The following CDK19 variants were observed in gnomAD, a reference collection of about 807,000 sequenced individuals.
CDK19 encodes the protein cyclin dependent kinase 19.
Under a neutral mutation model 68.3 loss-of-function variants are expected in CDK19, and 20 were observed. The observed-to-expected ratio is 0.29, with a 90% CI of 0.21 to 0.43. The LOEUF is 0.43. Ranked by LOEUF, CDK19 falls within the 20% of genes least tolerant of loss-of-function variation. The probability of loss-of-function intolerance (pLI) is 1.00; values close to 1 mark genes in which losing one functional copy is unlikely to be tolerated. For synonymous variants in CDK19, 221 were observed against 222.8 expected, an observed-to-expected ratio of 0.99 and a Z score of 0.07; for missense variants, 339 against 623.5, an observed-to-expected ratio of 0.54 and a Z score of 4.86.
At chr6:110,731,061 A>AAAAG (rs948439909) in intron 2 of CDK19, among the ~76,000 whole-genome samples, 14 of 151,950 alleles carry the variant, frequency 9.2e-5, no homozygotes, top group Non-Finnish European at 1.8e-4. Flanking sequence ...TCAAACAAAA[A>AAAAG]AAAGAAAGAA....
chr6:110,707,973 AAAAT>A (rs1438459317), intron 2 of CDK19, among the ~76,000 whole-genome samples: 1 of 152,202 alleles, frequency 6.6e-6, no homozygotes, highest in Non-Finnish European at 1.5e-5. Context: ...CTATGACTCA[AAAAT>A]AAATAAATAG....
At chr6:110,749,442 T>G (rs2114894908) in intron 1 of CDK19, among the ~76,000 whole-genome samples, 1 of 152,066 alleles carries the variant, frequency 6.6e-6, no homozygotes, top group South Asian at 2.1e-4. Context: ...CTCACTGCAG[T>G]GTCAACTTCA....
chr6:110,777,181 A>C (rs1780463306), intron 1 of CDK19, among the ~76,000 whole-genome samples: 1 of 152,230 alleles, frequency 6.6e-6, no homozygotes, highest in South Asian at 2.1e-4. Flanking sequence ...AGAAAATTCC[A>C]ATTAAAATGA....
intron 1 of CDK19, among the ~76,000 whole-genome samples, chr6:110,797,594 A>T (rs1017817668): frequency 1.3e-5 from 2 of 152,232 alleles, no homozygotes; most frequent in Admixed American, 6.5e-5. Flanking sequence ...CAATGAAAAC[A>T]AACAAAGACA....
chr6:110,645,935 C>T, intron 4 of CDK19: 1 of 1,100,818 alleles, frequency 9.1e-7, no homozygotes, highest in South Asian at 1.3e-5. Context: ...TGCAGGAGAG[C>T]CTGCGAGCCA....
chr6:110,689,001 A>G (rs1001630595), intron 2 of CDK19, among the ~76,000 whole-genome samples: 3 of 152,142 alleles, frequency 2.0e-5, no homozygotes, highest in African/African-American at 7.2e-5. Flanking sequence ...GGTAAGGCTT[A>G]TACCCTGGGG....
chr6:110,801,519 G>T (rs1011405686), intron 1 of CDK19, among the ~76,000 whole-genome samples: 2 of 148,214 alleles, frequency 1.3e-5, no homozygotes, highest in East Asian at 2.0e-4. Flanking sequence ...TTTTTTGTGT[G>T]TTTTTTTTTT....
At chr6:110,651,875 GCTT>G (rs749140087) in intron 4 of CDK19, among the ~76,000 whole-genome samples, 2 of 152,052 alleles carry the variant, frequency 1.3e-5, no homozygotes, top group Non-Finnish European at 2.9e-5. Flanking sequence ...GCATTTCTTA[GCTT>G]CTTCAGTCTA....
At chr6:110,770,867 C>T (rs556208899) in intron 1 of CDK19, among the ~76,000 whole-genome samples, 75 of 152,270 alleles carry the variant, frequency 4.9e-4, no homozygotes, top group African/African-American at 1.8e-3. Context: ...GTTACAGGCC[C>T]ATGCAAATCC....
chr6:110,706,766 G>T, intron 2 of CDK19: 1 of 176,416 alleles, frequency 5.7e-6, no homozygotes, highest in East Asian at 1.4e-4. Context: ...TAACATTGTG[G>T]GACACTCCTG....
At chr6:110,738,710 A>C (rs1777434278) in intron 2 of CDK19, among the ~76,000 whole-genome samples, 1 of 152,204 alleles carries the variant, frequency 6.6e-6, no homozygotes, top group African/African-American at 2.4e-5. Context: ...TTTTTCTCAG[A>C]GGAATCCTCA....
chr6:110,622,955 T>C (rs769129128), intron 9 of CDK19, 43 bp from the exon 10 acceptor site: 3 of 1,196,582 alleles, frequency 2.5e-6, no homozygotes, highest in South Asian at 1.2e-5. Context: ...GAAAAGGTTA[T>C]TTACAAGTCA....
Position 110,815,257 on chromosome 6 carries a change from GC to G in CDK19, c.-122del. The G allele has an allele frequency of 1.3e-4, 137 of 1,022,272 alleles. No homozygotes were observed. Among genetic ancestry groups the G allele is most frequent in the South Asian group, 1.6e-4 (6 of 37,392 alleles). The allele number at this position is 1,022,272 out of a possible 1,614,324, so 63.3% of individuals were successfully genotyped here. ...AGCCGCCTCTCGCGCGCGCGCGCGC[GC>G]CGCCCGCCGCCCGCCGCTCCGCGGT... On this transcript the variant is annotated 5_prime_UTR_variant, in exon 1 of 13. Coordinates refer to ENST00000368911, the MANE Select transcript of CDK19 (RefSeq NM_015076.5).
At chr6:110,665,865 C>A (rs746387010) in intron 4 of CDK19, among the ~76,000 whole-genome samples, 1 of 152,060 alleles carries the variant, frequency 6.6e-6, no homozygotes, top group Non-Finnish European at 1.5e-5. Context: ...CCACCTCAGC[C>A]TTCCAAACAG....
intron 2 of CDK19, among the ~76,000 whole-genome samples, chr6:110,732,965 G>A (rs1003600971): frequency 3.3e-5 from 5 of 152,102 alleles, no homozygotes; most frequent in Non-Finnish European, 7.3e-5. Flanking sequence ...TACTTGGGAG[G>A]CTGAGAAAGG....
chr6:110,655,951 T>C (rs1239326016), intron 4 of CDK19, among the ~76,000 whole-genome samples: 1 of 152,178 alleles, frequency 6.6e-6, no homozygotes, highest in Non-Finnish European at 1.5e-5. Flanking sequence ...ACTTCTTGCC[T>C]TGTCCCAGTA....
intron 2 of CDK19, among the ~76,000 whole-genome samples, chr6:110,696,072 T>C (rs1226670356): frequency 6.6e-6 from 1 of 152,188 alleles, no homozygotes; most frequent in Admixed American, 6.5e-5. Context: ...CCAATATTCC[T>C]GATGAACACA....
chr6:110,618,048 T>A (rs1361191616), intron 12 of CDK19, among the ~76,000 whole-genome samples: 2 of 151,888 alleles, frequency 1.3e-5, no homozygotes, highest in African/African-American at 4.8e-5. Context: ...AATCTCCCCC[T>A]TTTTCCAGGA....
At position 110,648,543 on chromosome 6, in the gene CDK19, T is replaced by C. The variant is rs192262810; in HGVS notation, c.457-9837A>G. ...CATGAAATCTTTTTTCTTTTCTTTT[T>C]TTTTTTTTTTTTTTTGAGAAGGAGT... On this transcript the variant is annotated intron_variant, in intron 4 of 12. Transcript: ENST00000368911. Among the ~76,000 whole-genome samples the C allele has an allele frequency of 7.2e-3, 1,032 of 144,190 alleles. 2 individuals are homozygous for C. The highest frequency in any genetic ancestry group is 0.018 in the Middle Eastern group (5 of 272). The allele number at this position is 144,190 out of a possible 152,430, so 94.6% of individuals were successfully genotyped here.
Sources: gnomAD v4.1 joint callset for allele counts (sites outside exome capture counted in the v4.1 genomes callset) on GRCh38, gnomAD v4.1.1 for gene constraint, MANE v1.5 for transcripts, NCBI Gene and HGNC (gene_info 2026-07-23, HGNC 2026-07-21) for gene names.